The following SEC24D variants were observed in gnomAD, a reference collection of about 807,000 sequenced individuals.
SEC24D encodes the protein protein transport protein Sec24D.
SEC24D carries 69 observed loss-of-function variants against 116.9 expected under a neutral mutation model. The ratio of observed to expected loss-of-function variants is 0.59; its 90% CI spans 0.49 to 0.72. SEC24D has a LOEUF of 0.72. Ranked by LOEUF, SEC24D falls within the 30% of genes least tolerant of loss-of-function variation. SEC24D has a pLI of 0.00. For missense variants in SEC24D, 1,131 were observed against 1,264.1 expected (o/e 0.89, Z 1.60); for synonymous variants, 405 against 442.8 (o/e 0.91, Z 1.07).
chr4:118,727,502 CA>C (rs1214796857), intron 22 of SEC24D, among the ~76,000 whole-genome samples: 1 of 152,018 alleles, frequency 6.6e-6, no homozygotes, highest in African/African-American at 2.4e-5. Context: ...TGCAAATGCC[CA>C]GTTGGAGGGA....
rs183124806 is a variant in SEC24D at position 118,739,897 on chromosome 4, C to A, written c.2239-610G>T. Among the ~76,000 whole-genome samples, 40 of 152,234 alleles carry A rather than the reference C, an allele frequency of 2.6e-4. No individual in the cohort carries two copies. In the East Asian group the frequency reaches 7.1e-3, roughly 27 times the overall value. On this transcript the variant is annotated intron_variant, in intron 17 of 22. Transcript: ENST00000280551. The stretch of plus-strand genomic sequence containing the variant: ...ATAGTTTTTCTTGTTTTAATTCAGT[C>A]TCTATGGCTTCTAGTTAGTTTCACT...
intron 8 of SEC24D, among the ~76,000 whole-genome samples, chr4:118,771,153 C>T (rs532437664): frequency 2.6e-5 from 4 of 151,938 alleles, no homozygotes; most frequent in South Asian, 2.1e-4. Context: ...CTTTTGAGTT[C>T]GATCTTGGTG....
chr4:118,726,696 A>G (rs1173593299), intron 22 of SEC24D, among the ~76,000 whole-genome samples: 1 of 152,236 alleles, frequency 6.6e-6, no homozygotes, highest in Non-Finnish European at 1.5e-5. Flanking sequence ...TTTGGAGCAC[A>G]GAGAACTGTG....
chr4:118,821,811 C>T (rs1730416257), intron 3 of SEC24D, among the ~76,000 whole-genome samples: 1 of 152,216 alleles, frequency 6.6e-6, no homozygotes, highest in Non-Finnish European at 1.5e-5. Context: ...GCTACATTCA[C>T]AGAAGCATGT....
chr4:118,825,058 G>C (rs1730543643), intron 2 of SEC24D, among the ~76,000 whole-genome samples: 1 of 152,132 alleles, frequency 6.6e-6, no homozygotes, highest in African/African-American at 2.4e-5. Context: ...ACCACGCAAA[G>C]AATACTAAAA....
At chr4:118,762,698 A>C (rs981805155) in intron 10 of SEC24D, among the ~76,000 whole-genome samples, 1 of 152,204 alleles carries the variant, frequency 6.6e-6, no homozygotes, top group Admixed American at 6.5e-5. Flanking sequence ...ATCAAATTTG[A>C]AGATGTTTAC....
At chr4:118,785,040 T>C (rs755020136) in intron 8 of SEC24D, among the ~76,000 whole-genome samples, 4 of 152,058 alleles carry the variant, frequency 2.6e-5, no homozygotes, top group Admixed American at 1.3e-4. Flanking sequence ...ATATAGACCA[T>C]GGAAACTGAA....
chr4:118,784,214 A>G (rs889457093), intron 8 of SEC24D, among the ~76,000 whole-genome samples: 1 of 152,262 alleles, frequency 6.6e-6, no homozygotes, highest in Non-Finnish European at 1.5e-5. Flanking sequence ...AAAAAATTTA[A>G]TTTAAAAAAC....
intron 2 of SEC24D, among the ~76,000 whole-genome samples, chr4:118,829,266 A>G (rs1256415567): frequency 6.6e-6 from 1 of 152,196 alleles, no homozygotes; most frequent in African/African-American, 2.4e-5. Flanking sequence ...TAATTTCAGC[A>G]CTTTGGGAGG....
chr4:118,772,523 A>G (rs1017325907), intron 8 of SEC24D, among the ~76,000 whole-genome samples: 10 of 152,204 alleles, frequency 6.6e-5, no homozygotes, highest in African/African-American at 2.4e-4. Flanking sequence ...ATTGCCAAGA[A>G]AAACTTATTT....
At chr4:118,805,189 C>T (rs1050074640) in intron 7 of SEC24D, among the ~76,000 whole-genome samples, 1 of 152,146 alleles carries the variant, frequency 6.6e-6, no homozygotes, top group African/African-American at 2.4e-5. Context: ...ACTTGGCTAG[C>T]TCAACAACTC....
At chr4:118,795,614 T>C (rs781004899) in intron 8 of SEC24D, among the ~76,000 whole-genome samples, 12 of 152,218 alleles carry the variant, frequency 7.9e-5, no homozygotes, top group African/African-American at 2.7e-4. Context: ...AACATCACAA[T>C]GGCTCTTTAA....
intron 7 of SEC24D, among the ~76,000 whole-genome samples, chr4:118,800,254 G>C (rs548318582): frequency 1.3e-5 from 2 of 152,322 alleles, no homozygotes; most frequent in South Asian, 2.1e-4. Context: ...TCACTAAGGA[G>C]AGTGGAAAAG....
Position 118,733,785 on chromosome 4 carries a change from G to A in SEC24D, c.2497-873C>T, listed in dbSNP as rs80250655. On this transcript the variant is annotated intron_variant, in intron 19 of 22. Transcript: ENST00000280551. Reference sequence around the variant, plus strand: ...CCTATTCAGTGTAGAACTTCCAGATGAACCCTAATTCATTTATTTCTTTAC... The same window carrying A: ...CCTATTCAGTGTAGAACTTCCAGATAAACCCTAATTCATTTATTTCTTTAC... Among the ~76,000 whole-genome samples the A allele has an allele frequency of 7.0e-3, 1,059 of 151,882 alleles. 12 individuals are homozygous for A. Among genetic ancestry groups the A allele is most frequent in the African/African-American group, 0.023 (973 of 41,422 alleles).
chr4:118,767,605 T>G (rs887222111), intron 9 of SEC24D, among the ~76,000 whole-genome samples: 3 of 152,222 alleles, frequency 2.0e-5, no homozygotes, highest in Non-Finnish European at 4.4e-5. Flanking sequence ...AACTTAGCAG[T>G]TTTCTTCAAA....
At position 118,744,288 on chromosome 4, in the gene SEC24D, C is replaced by T. The variant is rs17257902; in HGVS notation, c.1825-130G>A. On this transcript the variant is annotated intron_variant, in intron 14 of 22. Transcript: ENST00000280551. Reference sequence around the variant, plus strand: ...AATAGACATTTTCCCGTTAAGTGAACTGGGCTGAAGAAACACACTGTGGTC... The same window carrying T: ...AATAGACATTTTCCCGTTAAGTGAATTGGGCTGAAGAAACACACTGTGGTC... The T allele has an allele frequency of 0.021, 20,065 of 953,958 alleles. 290 individuals are homozygous for T. The highest frequency in any genetic ancestry group is 0.025 in the Non-Finnish European group (16,944 of 666,474). The allele number at this position is 953,958 out of a possible 1,614,324, so 59.1% of individuals were successfully genotyped here. A position where few individuals can be genotyped will look rare whatever the true frequency, so the allele number is the denominator to read the frequency against.
chr4:118,761,086 A>G (rs1412605158), intron 10 of SEC24D, among the ~76,000 whole-genome samples: 1 of 152,092 alleles, frequency 6.6e-6, no homozygotes, highest in East Asian at 1.9e-4. Flanking sequence ...GGACAACTAC[A>G]TTAATTTCTA....
chr4:118,743,248 T>C (rs2110444629), intron 15 of SEC24D, among the ~76,000 whole-genome samples: 1 of 152,124 alleles, frequency 6.6e-6, no homozygotes, highest in South Asian at 2.1e-4. Flanking sequence ...TTATGAAAGC[T>C]CACATTGATA....
intron 8 of SEC24D, among the ~76,000 whole-genome samples, chr4:118,792,671 T>C (rs1728980044): frequency 6.6e-6 from 1 of 152,174 alleles, no homozygotes; most frequent in Admixed American, 6.5e-5. Flanking sequence ...ATGTGCTTTG[T>C]TAAACAGATG....
Sources: allele counts gnomAD v4.1 joint callset (sites outside exome capture counted in the v4.1 genomes callset), GRCh38; gene constraint gnomAD v4.1.1; transcripts MANE v1.5; gene names NCBI Gene and HGNC (gene_info 2026-07-23, HGNC 2026-07-21).